Variants in MCTP1 observed in about 807,000 individuals in gnomAD.
MCTP1 encodes the protein multiple C2 and transmembrane domain containing 1.
MCTP1 carries 69 observed loss-of-function variants against 120.6 expected under a neutral mutation model. The ratio of observed to expected loss-of-function variants is 0.57; its 90% CI spans 0.47 to 0.70. MCTP1 has a LOEUF of 0.70. MCTP1 is among the 30% of genes least tolerant of loss of function. MCTP1 has a pLI of 0.00. For synonymous variants in MCTP1, 529 were observed against 493.1 expected, an observed-to-expected ratio of 1.07 and a Z score of -0.96; for missense variants, 1,203 against 1,248.8, an observed-to-expected ratio of 0.96 and a Z score of 0.55.
intron 1 of MCTP1, among the ~76,000 whole-genome samples, chr5:95,071,776 A>T (rs1218227628): frequency 2.6e-5 from 4 of 152,210 alleles, no homozygotes; most frequent in Admixed American, 2.0e-4. Context: ...TAATGTATCT[A>T]AGAACCAGAA....
At chr5:95,062,893 C>A (rs1298475542) in intron 1 of MCTP1, among the ~76,000 whole-genome samples, 1 of 152,094 alleles carries the variant, frequency 6.6e-6, no homozygotes, top group Non-Finnish European at 1.5e-5. Context: ...TCATAGCTCA[C>A]TGCAGCTTCT....
At chr5:95,069,848 A>G (rs1399854939) in intron 1 of MCTP1, among the ~76,000 whole-genome samples, 1 of 151,882 alleles carries the variant, frequency 6.6e-6, no homozygotes, top group African/African-American at 2.4e-5. Flanking sequence ...ACAGGCACCC[A>G]CTACCACGCC....
chr5:94,851,276 G>A (rs902370421), intron 17 of MCTP1, among the ~76,000 whole-genome samples: 4 of 151,930 alleles, frequency 2.6e-5, no homozygotes, highest in Non-Finnish European at 5.9e-5. Flanking sequence ...TTTCAAAACT[G>A]AATAATATAT....
intron 17 of MCTP1, among the ~76,000 whole-genome samples, chr5:94,839,523 AT>A (rs1260343685): frequency 1.3e-5 from 2 of 152,216 alleles, no homozygotes; most frequent in Non-Finnish European, 2.9e-5. Flanking sequence ...TTAAAAAGAT[AT>A]AAAATAAACA....
At chr5:95,086,294 T>C (rs1164219267) in intron 1 of MCTP1, among the ~76,000 whole-genome samples, 1 of 152,112 alleles carries the variant, frequency 6.6e-6, no homozygotes, top group Non-Finnish European at 1.5e-5. Flanking sequence ...AAGGAGACCA[T>C]AGAGTCAATA....
At chr5:95,184,440 T>C (rs1748972336) in intron 1 of MCTP1, among the ~76,000 whole-genome samples, 1 of 152,136 alleles carries the variant, frequency 6.6e-6, no homozygotes, top group Non-Finnish European at 1.5e-5. Flanking sequence ...ACTGAGCAAA[T>C]TATGACAGTG....
chr5:95,280,908 A>G (rs1327636516), intron 1 of MCTP1, among the ~76,000 whole-genome samples: 2 of 151,926 alleles, frequency 1.3e-5, no homozygotes, highest in African/African-American at 4.8e-5. Flanking sequence ...ATCTCCACCC[A>G]CTGTCAGAGT....
At chr5:95,092,324 T>C (rs1225760454) in intron 1 of MCTP1, among the ~76,000 whole-genome samples, 3 of 152,212 alleles carry the variant, frequency 2.0e-5, no homozygotes, top group Admixed American at 2.0e-4. Flanking sequence ...ATTCTCAGCC[T>C]CTCTAAACAG....
chr5:95,260,064 T>TTGTGCTTTTAATTCTCC (rs1485549813), intron 1 of MCTP1, among the ~76,000 whole-genome samples: 1 of 152,216 alleles, frequency 6.6e-6, no homozygotes, highest in Non-Finnish European at 1.5e-5. Flanking sequence ...TTTTTATTAA[T>TTGTGCTTTTAATTCTCC]TGTGCTTTTA....
intron 1 of MCTP1, among the ~76,000 whole-genome samples, chr5:95,072,775 T>G (rs1283034915): frequency 7.3e-6 from 1 of 136,624 alleles, no homozygotes; most frequent in African/African-American, 2.8e-5. Context: ...AGATGGAGTC[T>G]CGCTCTGTCG....
intron 2 of MCTP1, among the ~76,000 whole-genome samples, chr5:95,000,730 A>G (rs976317531): frequency 6.6e-6 from 1 of 152,224 alleles, no homozygotes; most frequent in South Asian, 2.1e-4. Flanking sequence ...AAAAAAGATT[A>G]CAATGAGCAA....
chr5:94,804,592 C>T (rs2153041190), intron 17 of MCTP1, among the ~76,000 whole-genome samples: 1 of 152,166 alleles, frequency 6.6e-6, no homozygotes, highest in East Asian at 1.9e-4. Context: ...GCGCCCGCCA[C>T]CACGCCCGGC....
At chr5:94,846,460 G>A (rs149198) in intron 17 of MCTP1, among the ~76,000 whole-genome samples, 120,017 of 152,048 alleles carry the variant, frequency 0.79, 47,792 homozygotes, top group Non-Finnish European at 0.85. Context: ...ACAAGAACAC[G>A]TGGACACAGG....
intron 12 of MCTP1, among the ~76,000 whole-genome samples, chr5:94,886,948 A>G (rs1801487144): frequency 6.6e-6 from 1 of 152,200 alleles, no homozygotes; most frequent in African/African-American, 2.4e-5. Flanking sequence ...ATATTCAGAC[A>G]TTTCTGACTC....
chr5:94,767,830 C>A (rs2152885089), intron 19 of MCTP1, among the ~76,000 whole-genome samples: 1 of 152,256 alleles, frequency 6.6e-6, no homozygotes, highest in East Asian at 1.9e-4. Context: ...CTATACTACA[C>A]AAAGCAGTCT....
At chr5:95,107,754 G>A (rs1757193873) in intron 1 of MCTP1, among the ~76,000 whole-genome samples, 1 of 152,220 alleles carries the variant, frequency 6.6e-6, no homozygotes, top group African/African-American at 2.4e-5. Context: ...CTGAAGCAGA[G>A]AGGAATGATA....
At chr5:94,709,609 C>T (rs1267186791) in intron 21 of MCTP1, 1 of 152,026 alleles carries the variant, frequency 6.6e-6, no homozygotes, top group African/African-American at 2.4e-5. Context: ...TATAAAGCAG[C>T]ATCTGTTTTA....
rs76436565 is a variant in MCTP1 at position 94,937,219 on chromosome 5, A to G, written c.1173+2865T>C. 8.7e-3 allele frequency among the ~76,000 whole-genome samples: 1,322 copies of G among 152,218 alleles called. 26 individuals are homozygous for G. The highest frequency in any genetic ancestry group is 0.031 in the African/African-American group (1,285 of 41,556). On this transcript the variant is annotated intron_variant, in intron 5 of 22. Coordinates refer to ENST00000515393, the MANE Select transcript of MCTP1 (RefSeq NM_024717.7). Reference sequence around the variant, plus strand: ...TTTCCCTCTTAATGCAGCAAAGTGAATGCAGTGCTCTCTGGAACTTTGAAA... The same window carrying G: ...TTTCCCTCTTAATGCAGCAAAGTGAGTGCAGTGCTCTCTGGAACTTTGAAA...
chr5:95,209,271 G>T (rs564658237), intron 1 of MCTP1, among the ~76,000 whole-genome samples: 3 of 152,226 alleles, frequency 2.0e-5, no homozygotes, highest in African/African-American at 7.2e-5. Flanking sequence ...TGGCCAATCA[G>T]CCATGAAACA....
Sources: allele counts gnomAD v4.1 joint callset (sites outside exome capture counted in the v4.1 genomes callset), GRCh38; gene constraint gnomAD v4.1.1; transcripts MANE v1.5; gene names NCBI Gene and HGNC (gene_info 2026-07-23, HGNC 2026-07-21).